UBE2E2: variants seen among roughly 807,000 people sequenced by gnomAD.
UBE2E2 encodes ubiquitin conjugating enzyme E2 E2.
UBE2E2 carries 6 observed loss-of-function variants against 24.7 expected under a neutral mutation model. The observed-to-expected ratio is 0.24, with a 90% confidence interval of 0.13 to 0.48. The LOEUF is 0.48. UBE2E2 is among the 20% of genes least tolerant of loss of function. The pLI is 0.99. For synonymous variants in UBE2E2, 104 were observed against 83.6 expected (o/e 1.24, Z -1.33); for missense variants, 169 against 245.0 (o/e 0.69, Z 2.07).
intron 2 of UBE2E2, 144 bp from the exon 3 acceptor site, chr3:23,217,118 T>C (rs1696496651): frequency 1.3e-6 from 1 of 784,208 alleles, no homozygotes. Flanking sequence ...CTTTATTGTT[T>C]GTTGGATGTG....
chr3:23,545,704 C>A (rs190283893), intron 5 of UBE2E2, among the ~76,000 whole-genome samples: 2 of 152,246 alleles, frequency 1.3e-5, no homozygotes, highest in African/African-American at 4.8e-5. Flanking sequence ...CAAAAAGACA[C>A]CTGCACATAT....
At chr3:23,232,691 T>A (rs1697004854) in intron 3 of UBE2E2, among the ~76,000 whole-genome samples, 1 of 152,250 alleles carries the variant, frequency 6.6e-6, no homozygotes, top group Admixed American at 6.5e-5. Context: ...TAAAAGTTTT[T>A]AAAAGATTTT....
chr3:23,569,004 A>G lies in UBE2E2; in HGVS notation c.509-20730A>G, dbSNP rs1445282771. On this transcript the variant is annotated intron_variant, in intron 5 of 5. Transcript: ENST00000396703. Reference sequence around the variant, plus strand: ...ATATATACCCAAGAGAAATAAAAACATATGTCCACATAAAAAGGTGTACAC... The same window carrying G: ...ATATATACCCAAGAGAAATAAAAACGTATGTCCACATAAAAAGGTGTACAC... 3.3e-5 allele frequency among the ~76,000 whole-genome samples: 5 copies of G among 152,214 alleles called. No individual in the cohort carries two copies. The South Asian group carries it at 8.3e-4, about 25-fold the overall frequency.
chr3:23,421,506 A>G (rs565526123), intron 3 of UBE2E2, among the ~76,000 whole-genome samples: 3 of 152,232 alleles, frequency 2.0e-5, no homozygotes, highest in African/African-American at 4.8e-5. Flanking sequence ...TCCAGGGTGC[A>G]AACAATTCTC....
chr3:23,270,541 A>G (rs1347566051), intron 3 of UBE2E2, among the ~76,000 whole-genome samples: 1 of 152,056 alleles, frequency 6.6e-6, no homozygotes, highest in Non-Finnish European at 1.5e-5. Flanking sequence ...CTTCTCCCCA[A>G]GTGGTTCTGG....
chr3:23,435,482 G>A (rs1698158273), intron 3 of UBE2E2, among the ~76,000 whole-genome samples: 1 of 152,196 alleles, frequency 6.6e-6, no homozygotes, highest in Admixed American at 6.5e-5. Flanking sequence ...AGGGTTATGA[G>A]GATGGCTGAA....
intron 3 of UBE2E2, among the ~76,000 whole-genome samples, chr3:23,491,854 C>G (rs758999479): frequency 1.3e-5 from 2 of 152,122 alleles, no homozygotes; most frequent in Non-Finnish European, 2.9e-5. Flanking sequence ...ATGCTGGTGC[C>G]ATAATCTAAA....
intron 3 of UBE2E2, among the ~76,000 whole-genome samples, chr3:23,343,104 A>ATG (rs1695445877): frequency 6.6e-6 from 1 of 151,754 alleles, no homozygotes; most frequent in South Asian, 2.1e-4. Flanking sequence ...TAGTATGTAT[A>ATG]TATATATGTG....
intron 3 of UBE2E2, among the ~76,000 whole-genome samples, chr3:23,462,648 C>T (rs1692612): frequency 0.66 from 100,263 of 151,602 alleles, 34,854 homozygotes; most frequent in African/African-American, 0.89. Context: ...TGCTACAAGG[C>T]TGAAGAAAGG....
intron 3 of UBE2E2, among the ~76,000 whole-genome samples, chr3:23,425,199 AC>A (rs1697896470): frequency 6.6e-6 from 1 of 152,196 alleles, no homozygotes. Context: ...TTTTAGCATA[AC>A]TATAATGCCA....
chr3:23,286,868 T>A (rs1451965236), intron 3 of UBE2E2, among the ~76,000 whole-genome samples: 1 of 152,166 alleles, frequency 6.6e-6, no homozygotes, highest in Non-Finnish European at 1.5e-5. Context: ...CTTCTTAGAT[T>A]AAGCTAATTT....
intron 3 of UBE2E2, among the ~76,000 whole-genome samples, chr3:23,375,955 T>C (rs879799931): frequency 6.6e-6 from 1 of 152,212 alleles, no homozygotes; most frequent in Admixed American, 6.6e-5. Flanking sequence ...ATAGAATACA[T>C]ACTGGTTTTG....
chr3:23,560,606 G>C (rs1276440458), intron 5 of UBE2E2, among the ~76,000 whole-genome samples: 8 of 151,866 alleles, frequency 5.3e-5, no homozygotes, highest in Admixed American at 5.2e-4. Flanking sequence ...TGGGTCAAAT[G>C]GTATTTCTAG....
intron 3 of UBE2E2, among the ~76,000 whole-genome samples, chr3:23,350,134 G>C (rs1378937502): frequency 6.6e-6 from 1 of 152,174 alleles, no homozygotes; most frequent in Non-Finnish European, 1.5e-5. Context: ...AGGGTCTGGA[G>C]TGGACCTCTA....
intron 3 of UBE2E2, among the ~76,000 whole-genome samples, chr3:23,364,008 T>C (rs937486325): frequency 2.0e-5 from 3 of 150,532 alleles, no homozygotes; most frequent in Non-Finnish European, 4.4e-5. Context: ...AAGCATACAA[T>C]TACATGGAAA....
intron 3 of UBE2E2, among the ~76,000 whole-genome samples, chr3:23,269,941 A>C (rs986520091): frequency 6.6e-6 from 1 of 152,180 alleles, no homozygotes; most frequent in East Asian, 1.9e-4. Context: ...ATAGGGATCA[A>C]AACAATACCA....
chr3:23,555,380 T>A lies in UBE2E2; in HGVS notation c.508+22679T>A, dbSNP rs1255598496. On this transcript the variant is annotated intron_variant, in intron 5 of 5. Coordinates refer to ENST00000396703, the MANE Select transcript of UBE2E2 (RefSeq NM_152653.4). ...GTTACCAAAGAGACGAGGTTAAGTG[T>A]TGGCAAAGGTGTGGAGAAAAGGGAA... Among the ~76,000 whole-genome samples the A allele has an allele frequency of 1.3e-5, 2 of 152,074 alleles. 1 individual carries two copies. The highest frequency in any genetic ancestry group is 1.3e-4 in the Admixed American group (2 of 15,254).
intron 5 of UBE2E2, among the ~76,000 whole-genome samples, chr3:23,576,924 T>TG (rs1696360445): frequency 6.6e-6 from 1 of 151,884 alleles, no homozygotes; most frequent in Non-Finnish European, 1.5e-5. Flanking sequence ...TGTTATTGTT[T>TG]TTTTTTTTTA....
intron 4 of UBE2E2, among the ~76,000 whole-genome samples, chr3:23,512,828 C>T (rs746548008): frequency 6.6e-6 from 1 of 152,100 alleles, no homozygotes; most frequent in African/African-American, 2.4e-5. Context: ...GCTTGTAATT[C>T]CAGCTACTCA....
Sources: allele counts gnomAD v4.1 joint callset (sites outside exome capture counted in the v4.1 genomes callset), GRCh38; gene constraint gnomAD v4.1.1; transcripts MANE v1.5; gene names NCBI Gene and HGNC (gene_info 2026-07-23, HGNC 2026-07-21).